ST7L: variants seen among roughly 807,000 people sequenced by gnomAD.
ST7L encodes the protein suppression of tumorigenicity 7 like.
In ST7L, 57 loss-of-function variants were observed where a neutral mutation model predicts 72.5. That is an observed-to-expected ratio of 0.79 (90% confidence interval 0.64 to 0.98). The LOEUF is 0.98. ST7L is among the 50% of genes least tolerant of loss of function. The probability of loss-of-function intolerance (pLI) is 0.00; values close to 1 mark genes in which losing one functional copy is unlikely to be tolerated. For missense variants in ST7L, 576 were observed against 672.2 expected (o/e 0.86, Z 1.58); for synonymous variants, 221 against 240.9 (o/e 0.92, Z 0.77).
Position 112,577,222 on chromosome 1 carries a change from CAA to C in ST7L, c.1143-136_1143-135del, listed in dbSNP as rs879471946. 1,923 of 297,524 alleles carry C rather than the reference CAA, an allele frequency of 6.5e-3. 1 individual carries two copies. Among genetic ancestry groups the C allele is most frequent in the South Asian group, 0.024 (269 of 11,216 alleles). 18.4% of individuals were successfully genotyped at this position (297,524 alleles called of 1,614,324 possible). ...GCCAAAAACAAAGCCAGAGGACTAA[CAA>C]AAAAAAAAAAAAAATTAAAGCTGGC... On this transcript the variant is annotated intron_variant, in intron 10 of 14. Transcript: ENST00000358039.
intron 11 of ST7L, among the ~76,000 whole-genome samples, chr1:112,573,740 T>A (rs1000537559): frequency 1.3e-5 from 2 of 151,418 alleles, no homozygotes; most frequent in African/African-American, 4.9e-5. Context: ...CATTTATAAA[T>A]CCAGGGCCAG....
At chr1:112,561,583 C>T (rs899211958) in intron 11 of ST7L, among the ~76,000 whole-genome samples, 8 of 151,664 alleles carry the variant, frequency 5.3e-5, no homozygotes, top group Non-Finnish European at 1.0e-4. Context: ...TGGGTTCAAG[C>T]GATTCTCCTG....
intron 12 of ST7L, among the ~76,000 whole-genome samples, chr1:112,555,646 A>G (rs533424991): frequency 2.0e-5 from 3 of 152,378 alleles, no homozygotes; most frequent in Admixed American, 2.0e-4. Flanking sequence ...AAATTAACAT[A>G]TGGCAGAATA....
chr1:112,599,369 T>C (rs923271080), intron 4 of ST7L, among the ~76,000 whole-genome samples: 2 of 152,038 alleles, frequency 1.3e-5, no homozygotes, highest in African/African-American at 4.8e-5. Context: ...GAGTTATTGC[T>C]TAGTCATTTT....
chr1:112,565,782 C>T (rs1397729105), intron 11 of ST7L, among the ~76,000 whole-genome samples: 2 of 151,992 alleles, frequency 1.3e-5, no homozygotes, highest in Non-Finnish European at 2.9e-5. Flanking sequence ...TTTGGGAGGC[C>T]AAGGTGGGCG....
At chr1:112,612,096 T>C (rs1669158118) in intron 2 of ST7L, among the ~76,000 whole-genome samples, 1 of 152,138 alleles carries the variant, frequency 6.6e-6, no homozygotes, top group East Asian at 1.9e-4. Flanking sequence ...AATCTTTTTA[T>C]TTCCTTTTTT....
At chr1:112,585,514 G>A (rs971890504) in intron 6 of ST7L, among the ~76,000 whole-genome samples, 8 of 152,042 alleles carry the variant, frequency 5.3e-5, no homozygotes, top group East Asian at 3.9e-4. Context: ...AGGCCGAGGC[G>A]GGCGGATCAC....
At chr1:112,599,597 G>A (rs1012032731) in intron 4 of ST7L, among the ~76,000 whole-genome samples, 2 of 152,138 alleles carry the variant, frequency 1.3e-5, no homozygotes, top group African/African-American at 2.4e-5. Context: ...ATAGGAAGCG[G>A]CAATATGAAG....
chr1:112,544,294 G>A (rs1224374528), intron 13 of ST7L, among the ~76,000 whole-genome samples: 1 of 152,156 alleles, frequency 6.6e-6, no homozygotes, highest in African/African-American at 2.4e-5. Context: ...ATGATTCACA[G>A]AGATTACACC....
At chr1:112,611,672 G>C (rs982887970) in intron 2 of ST7L, among the ~76,000 whole-genome samples, 2 of 152,114 alleles carry the variant, frequency 1.3e-5, no homozygotes, top group Non-Finnish European at 2.9e-5. Flanking sequence ...AGACACGGTG[G>C]TTCACGTCTG....
intron 4 of ST7L, 131 bp downstream of exon 4, chr1:112,600,663 T>A: frequency 2.6e-6 from 2 of 770,048 alleles, no homozygotes; most frequent in Non-Finnish European, 4.3e-6. Context: ...TGTGGACTAA[T>A]CATTTTACTT....
chr1:112,556,966 C>CA (rs60106072), intron 11 of ST7L, among the ~76,000 whole-genome samples: 812 of 49,256 alleles, frequency 0.016, 33 homozygotes, highest in Non-Finnish European at 0.023. Flanking sequence ...GACTCTGTCT[C>CA]AAAAAAAAAA....
intron 3 of ST7L, among the ~76,000 whole-genome samples, chr1:112,602,096 A>AG (rs1667499288): frequency 1.1e-5 from 1 of 93,418 alleles, no homozygotes; most frequent in African/African-American, 3.6e-5. Flanking sequence ...AAAAAAAAAA[A>AG]AAAAAAAGAA....
intron 5 of ST7L, among the ~76,000 whole-genome samples, chr1:112,593,995 G>T (rs1194382717): frequency 1.3e-5 from 2 of 151,972 alleles, no homozygotes; most frequent in Admixed American, 6.6e-5. Context: ...CCTTTAGCTG[G>T]GGTTAGACAC....
chr1:112,560,286 C>T (rs979518487), intron 11 of ST7L, among the ~76,000 whole-genome samples: 2 of 151,750 alleles, frequency 1.3e-5, no homozygotes, highest in Non-Finnish European at 1.5e-5. Flanking sequence ...CCCAGCTATT[C>T]GGGAGGCTGA....
intron 11 of ST7L, among the ~76,000 whole-genome samples, chr1:112,566,510 G>A (rs939525572): frequency 6.6e-6 from 1 of 151,936 alleles, no homozygotes; most frequent in Admixed American, 6.6e-5. Flanking sequence ...TGCTGGCCAG[G>A]CTGGTCTCGA....
chr1:112,599,170 A>C (rs1386266089), intron 4 of ST7L, among the ~76,000 whole-genome samples: 1 of 133,724 alleles, frequency 7.5e-6, no homozygotes, highest in Admixed American at 7.9e-5. Flanking sequence ...ACTTCTTTTC[A>C]AGATCTTCAG....
chr1:112,553,012 G>A (rs1314108919), intron 12 of ST7L, among the ~76,000 whole-genome samples: 3 of 151,656 alleles, frequency 2.0e-5, no homozygotes, highest in South Asian at 4.2e-4. Flanking sequence ...ATGTCAGGCA[G>A]TGAAGACATG....
chr1:112,579,404 TA>T (rs746230864), intron 9 of ST7L, among the ~76,000 whole-genome samples: 1,444 of 108,188 alleles, frequency 0.013, 13 homozygotes, highest in South Asian at 0.035. Context: ...AAAAAAACAA[TA>T]AAAAAAAAAC....
Sources: gnomAD v4.1 joint callset for allele counts (sites outside exome capture counted in the v4.1 genomes callset) on GRCh38, gnomAD v4.1.1 for gene constraint, MANE v1.5 for transcripts, NCBI Gene and HGNC (gene_info 2026-07-23, HGNC 2026-07-21) for gene names.